The following RCL1 variants were observed in gnomAD, a reference collection of about 807,000 sequenced individuals.
The protein encoded by RCL1 is RNA 3'-terminal phosphate cyclase-like protein.
RCL1 carries 24 observed loss-of-function variants against 42.4 expected under a neutral mutation model. That is an observed-to-expected ratio of 0.57 (90% CI 0.41 to 0.80). The LOEUF (loss-of-function observed/expected upper bound fraction) is 0.80, where lower values mean the gene tolerates loss of function less well. Ranked by LOEUF, RCL1 falls within the 30% of genes least tolerant of loss-of-function variation. The pLI, the probability that RCL1 is intolerant of heterozygous loss-of-function variation, is 0.00. For missense variants in RCL1, 578 were observed against 467.9 expected (o/e 1.24, Z -2.17); for synonymous variants, 228 against 177.3 (o/e 1.29, Z -2.27).
chr9:4,794,394 G>T (rs1331946140), intron 1 of RCL1, among the ~76,000 whole-genome samples: 1 of 152,214 alleles, frequency 6.6e-6, no homozygotes, highest in Non-Finnish European at 1.5e-5. Context: ...GGTGGTTCCT[G>T]TCCTCTCTCT....
intron 5 of RCL1, among the ~76,000 whole-genome samples, chr9:4,835,945 T>G (rs1008002688): frequency 6.6e-6 from 1 of 152,098 alleles, no homozygotes; most frequent in Non-Finnish European, 1.5e-5. Context: ...ACGGTAAGGG[T>G]GGCTCCAGGT....
In RCL1 at chr9:4,827,053, C is replaced by G; in HGVS notation, c.384+20C>G. On this transcript the variant is annotated intron_variant, in intron 3 of 8. Transcript: ENST00000381750. Reference sequence around the variant, plus strand: ...CCTTCAGTGAGTATTGAGAACAAACCGTGGTGTGGTTTTTGTTTTGTCTCT... The same window carrying G: ...CCTTCAGTGAGTATTGAGAACAAACGGTGGTGTGGTTTTTGTTTTGTCTCT... 1.2e-6 allele frequency: 2 copies of G among 1,614,034 alleles called. No individual in the cohort carries two copies. The highest frequency in any genetic ancestry group is 1.1e-5 in the South Asian group (1 of 91,074).
intron 1 of RCL1, among the ~76,000 whole-genome samples, chr9:4,801,920 C>CT (rs751952837): frequency 0.012 from 1,838 of 149,766 alleles, 36 homozygotes; most frequent in African/African-American, 0.042. Context: ...GTCTTTTTTT[C>CT]TTTTTTTTTG....
intron 3 of RCL1, 193 bp downstream of exon 3, chr9:4,827,226 A>G (rs765007266): frequency 1.2e-4 from 180 of 1,508,468 alleles, no homozygotes; most frequent in East Asian, 2.5e-4. Flanking sequence ...CAAATTCAGG[A>G]CTATTGTTAA....
In RCL1 at chr9:4,803,573, A is replaced by G. The variant is rs558447054; in HGVS notation, c.136+10346A>G. Among the ~76,000 whole-genome samples the G allele has an allele frequency of 2.0e-5, 3 of 152,238 alleles. No homozygotes were observed. The East Asian group carries it at 5.8e-4, about 29-fold the overall frequency. On this transcript the variant is annotated intron_variant, in intron 1 of 8. Coordinates refer to ENST00000381750, the MANE Select transcript of RCL1 (RefSeq NM_005772.5). ...TAGAATTGGAGTGATAGTAGATCCA[A>G]TCACAGATCCCAACTGTTCTTTGAT...
chr9:4,860,489 C>T lies in RCL1; in HGVS notation c.*214C>T, dbSNP rs995676215. 1 of 539,960 alleles carries T rather than the reference C, an allele frequency of 1.9e-6. No homozygotes were observed. The highest frequency in any genetic ancestry group is 2.0e-5 in the African/African-American group (1 of 50,186). 33.4% of individuals were successfully genotyped at this position (539,960 alleles called of 1,614,324 possible). ...GCATTGCCATTGCCCAGGAGGGGCCCAGTCACCATGAGAGCTCCCTTGCCT... is the reference window on the plus strand; with the variant it reads ...GCATTGCCATTGCCCAGGAGGGGCCTAGTCACCATGAGAGCTCCCTTGCCT... On this transcript the variant is annotated 3_prime_UTR_variant, in exon 9 of 9. Coordinates refer to ENST00000381750, the MANE Select transcript of RCL1 (RefSeq NM_005772.5).
At position 4,800,462 on chromosome 9, in the gene RCL1, A is replaced by G. The variant is rs1334689876; in HGVS notation, c.136+7235A>G. On this transcript the variant is annotated intron_variant, in intron 1 of 8. Coordinates refer to ENST00000381750, the MANE Select transcript of RCL1 (RefSeq NM_005772.5). ...ACTCCTGATCTTAGGTGATCCACCC[A>G]CCTCAGCCTCCCAAAGTGCTGGGAT... Among the ~76,000 whole-genome samples the G allele has an allele frequency of 2.6e-5, 4 of 151,802 alleles. No individual in the cohort carries two copies. The East Asian group carries it at 7.8e-4, about 30-fold the overall frequency.
At chr9:4,820,522 T>A (rs916682776) in intron 1 of RCL1, among the ~76,000 whole-genome samples, 4 of 152,212 alleles carry the variant, frequency 2.6e-5, no homozygotes, top group African/African-American at 9.6e-5. Flanking sequence ...GTTTTGTTTG[T>A]GTGTAAGAGT....
intron 1 of RCL1, among the ~76,000 whole-genome samples, chr9:4,802,686 A>T (rs892417886): frequency 6.6e-6 from 1 of 152,216 alleles, no homozygotes; most frequent in Admixed American, 6.5e-5. Flanking sequence ...TTTTTATTAC[A>T]TATTTATTAA....
At chr9:4,829,023 A>T (rs924141051) in intron 3 of RCL1, among the ~76,000 whole-genome samples, 1 of 152,088 alleles carries the variant, frequency 6.6e-6, no homozygotes, top group African/African-American at 2.4e-5. Context: ...TCATTAGTTC[A>T]TGTCTGCATC....
intron 6 of RCL1, 140 bp from the exon 7 acceptor site, chr9:4,844,385 C>CTT (rs1817437579): frequency 6.6e-6 from 4 of 603,248 alleles, no homozygotes; most frequent in Non-Finnish European, 8.7e-6. Flanking sequence ...AGTAGCAACT[C>CTT]TATGAGGTTA....
chr9:4,808,295 T>C (rs929279392), intron 1 of RCL1, among the ~76,000 whole-genome samples: 50 of 152,158 alleles, frequency 3.3e-4, no homozygotes, highest in African/African-American at 1.2e-3. Flanking sequence ...ACTCTGTCTC[T>C]AGTATTTTTT....
At chr9:4,818,216 C>T (rs921953185) in intron 1 of RCL1, among the ~76,000 whole-genome samples, 13 of 152,040 alleles carry the variant, frequency 8.6e-5, no homozygotes, top group East Asian at 1.9e-4. Context: ...CCACCGCGCC[C>T]GGCCCAGTTG....
chr9:4,855,859 C>G (rs1332968379), intron 8 of RCL1, among the ~76,000 whole-genome samples: 1 of 152,280 alleles, frequency 6.6e-6, no homozygotes, highest in South Asian at 2.1e-4. Context: ...ATACCCCAAA[C>G]TTGCAAATAC....
chr9:4,845,827 C>A (rs1411172363), intron 7 of RCL1, among the ~76,000 whole-genome samples: 1 of 152,210 alleles, frequency 6.6e-6, no homozygotes, highest in Non-Finnish European at 1.5e-5. Context: ...AATCATCTCT[C>A]TTCTTCCCCT....
intron 1 of RCL1, among the ~76,000 whole-genome samples, chr9:4,816,288 C>T (rs938798631): frequency 6.6e-6 from 1 of 152,178 alleles, no homozygotes; most frequent in Non-Finnish European, 1.5e-5. Context: ...TGTCTTTTGA[C>T]ACTTTCAGTG....
intron 8 of RCL1, among the ~76,000 whole-genome samples, chr9:4,852,369 T>A (rs561917572): frequency 2.0e-5 from 3 of 152,290 alleles, no homozygotes; most frequent in African/African-American, 7.2e-5. Context: ...GAGGGAGGAT[T>A]TATACTTTTG....
At chr9:4,847,662 T>C (rs983812766) in intron 7 of RCL1, among the ~76,000 whole-genome samples, 1 of 152,206 alleles carries the variant, frequency 6.6e-6, no homozygotes, top group Non-Finnish European at 1.5e-5. Flanking sequence ...ATCTCTTCAC[T>C]CATGTGCACA....
At position 4,823,579 on chromosome 9, in the gene RCL1, C is replaced by G. The variant is rs749214150; in HGVS notation, c.168C>G (p.Asp56Glu). The change falls in exon 2 of 9, where the codon GAC becomes GAG. Residue 56 changes from aspartate to glutamate, a missense_variant. Asp to Glu is a conservative substitution (Grantham distance 45). Transcript: ENST00000381750. ...AAGCCAGCTTCATAAGGCTATTGGA[C>G]AAAATAACGAATGGTTCTCGAATTG... ...DFEASFIRLL[D>E]KITNGSRIEI... The G allele has an allele frequency of 7.4e-6, 12 of 1,611,634 alleles. No homozygotes were observed. The highest frequency in any genetic ancestry group is 3.4e-5 in the Admixed American group (2 of 59,622).
Sources: allele counts gnomAD v4.1 joint callset (sites outside exome capture counted in the v4.1 genomes callset), GRCh38; gene constraint gnomAD v4.1.1; transcripts MANE v1.5; gene names NCBI Gene and HGNC (gene_info 2026-07-23, HGNC 2026-07-21).